The following PPP1R9A variants were observed in gnomAD, a reference collection of about 807,000 sequenced individuals.
PPP1R9A encodes the protein neurabin-1.
A neutral mutation model predicts 141.9 loss-of-function variants in PPP1R9A; 59 were observed. That is an observed-to-expected ratio of 0.42 (90% CI 0.34 to 0.52). The LOEUF (loss-of-function observed/expected upper bound fraction) is 0.52, where lower values mean the gene tolerates loss of function less well. Ranked by LOEUF, PPP1R9A falls within the 20% of genes least tolerant of loss-of-function variation. The probability of loss-of-function intolerance (pLI) is 0.10; values close to 1 mark genes in which losing one functional copy is unlikely to be tolerated. For synonymous variants in PPP1R9A, 500 were observed against 569.7 expected, an observed-to-expected ratio of 0.88 and a Z score of 1.74; for missense variants, 1,444 against 1,611.9, an observed-to-expected ratio of 0.90 and a Z score of 1.78.
chr7:95,022,277 A>G (rs954249082), intron 2 of PPP1R9A, among the ~76,000 whole-genome samples: 3 of 151,958 alleles, frequency 2.0e-5, no homozygotes, highest in African/African-American at 7.2e-5. Context: ...CTGTTTGTCT[A>G]TTATTGATGT....
chr7:95,116,752 T>C (rs573771955), intron 3 of PPP1R9A, among the ~76,000 whole-genome samples: 33 of 152,294 alleles, frequency 2.2e-4, no homozygotes, highest in African/African-American at 7.5e-4. Flanking sequence ...GACTTAATTT[T>C]CCAAATATCT....
Position 94,979,908 on chromosome 7 carries a change from T to A in PPP1R9A, c.1395+68400T>A, listed in dbSNP as rs536687286. 6.5e-4 allele frequency among the ~76,000 whole-genome samples: 99 copies of A among 151,890 alleles called. 1 individual carries two copies. The South Asian group carries it at 0.012, about 18-fold the overall frequency. ...CTTTGGTTGACAATGTTAAAGGTATTTTTTTTTGGTTTTGGGGTACCTTTT... is the reference window on the plus strand; with the variant it reads ...CTTTGGTTGACAATGTTAAAGGTATATTTTTTTGGTTTTGGGGTACCTTTT... On this transcript the variant is annotated intron_variant, in intron 2 of 19. Transcript: ENST00000433360.
chr7:95,145,534 A>G (rs1221770574), intron 4 of PPP1R9A, among the ~76,000 whole-genome samples: 2 of 152,228 alleles, frequency 1.3e-5, no homozygotes, highest in African/African-American at 2.4e-5. Context: ...ATATTAGTCA[A>G]TATTTGTTAC....
intron 7 of PPP1R9A, among the ~76,000 whole-genome samples, chr7:95,205,362 A>G (rs965177432): frequency 2.6e-5 from 4 of 152,262 alleles, no homozygotes; most frequent in African/African-American, 9.6e-5. Flanking sequence ...TTTCTCTGAA[A>G]GTGTAGACTT....
intron 2 of PPP1R9A, among the ~76,000 whole-genome samples, chr7:95,041,705 T>C (rs1415811106): frequency 1.3e-5 from 2 of 152,114 alleles, no homozygotes; most frequent in African/African-American, 4.8e-5. Flanking sequence ...ATTGAATATT[T>C]ATTGACATGT....
At chr7:95,001,026 G>T (rs1302850907) in intron 2 of PPP1R9A, among the ~76,000 whole-genome samples, 2 of 152,088 alleles carry the variant, frequency 1.3e-5, no homozygotes, top group Admixed American at 6.6e-5. Context: ...TTAATAATTT[G>T]TTTGTCATAT....
At chr7:95,065,604 C>T (rs1812832565) in intron 2 of PPP1R9A, among the ~76,000 whole-genome samples, 1 of 152,094 alleles carries the variant, frequency 6.6e-6, no homozygotes, top group Non-Finnish European at 1.5e-5. Context: ...CTGGAGTCAT[C>T]ACTGGATTAA....
intron 12 of PPP1R9A, among the ~76,000 whole-genome samples, chr7:95,253,838 T>TA (rs1300835923): frequency 6.6e-6 from 1 of 151,966 alleles, no homozygotes. Context: ...TTTTAATTTT[T>TA]AAAAAATTAT....
intron 4 of PPP1R9A, among the ~76,000 whole-genome samples, chr7:95,130,448 G>A (rs930153942): frequency 6.6e-6 from 1 of 152,170 alleles, no homozygotes; most frequent in Non-Finnish European, 1.5e-5. Context: ...TGCAGGGGTG[G>A]GGCTCTCATG....
At chr7:95,077,278 A>C (rs1814999413) in intron 2 of PPP1R9A, among the ~76,000 whole-genome samples, 1 of 151,880 alleles carries the variant, frequency 6.6e-6, no homozygotes, top group Non-Finnish European at 1.5e-5. Context: ...TGTTACTTTC[A>C]CTTAAGTAGT....
rs114568775 is a variant in PPP1R9A, at chr7:95,203,532, C to T, written c.1891-133C>T. The T allele has an allele frequency of 3.0e-3, 1,648 of 546,976 alleles. 18 individuals carry two copies. Among genetic ancestry groups the T allele is most frequent in the African/African-American group, 0.029 (1,493 of 51,780 alleles). 33.9% of individuals were successfully genotyped at this position (546,976 alleles called of 1,614,324 possible). On this transcript the variant is annotated intron_variant, in intron 6 of 19. Transcript: ENST00000433360. ...GTGTGGGCATTTTTTACCAACATGCCGCAATATTGTCTTAGTACTTAACAG... is the reference window on the plus strand; with the variant it reads ...GTGTGGGCATTTTTTACCAACATGCTGCAATATTGTCTTAGTACTTAACAG...
chr7:95,186,745 A>C (rs1315325296), intron 5 of PPP1R9A, among the ~76,000 whole-genome samples: 3 of 151,972 alleles, frequency 2.0e-5, no homozygotes, highest in African/African-American at 7.2e-5. Context: ...GGATTTTGTC[A>C]GTGCTTTTCC....
rs1024810034 is a variant in PPP1R9A, at chr7:95,274,255, G to A, written c.3296+87G>A. The stretch of plus-strand genomic sequence containing the variant: ...TATTGTTAACCAAAATCAGTGGTCA[G>A]TATCTTTGAGCTAAAGTGATATGCC... On this transcript the variant is annotated intron_variant, in intron 16 of 19. Coordinates refer to ENST00000433360, the MANE Select transcript of PPP1R9A (RefSeq NM_001166160.2). The A allele has an allele frequency of 3.1e-5, 38 of 1,215,396 alleles. No homozygotes were observed. In the African/African-American group the frequency reaches 4.9e-4, roughly 16 times the overall value. 75.3% of individuals were successfully genotyped at this position (1,215,396 alleles called of 1,614,324 possible).
At chr7:95,191,521 A>C (rs2152832903) in intron 5 of PPP1R9A, among the ~76,000 whole-genome samples, 1 of 152,222 alleles carries the variant, frequency 6.6e-6, no homozygotes, top group East Asian at 1.9e-4. Context: ...ATTATTGTTA[A>C]CTAGAGTCAT....
chr7:95,133,513 TTATATA>T (rs10570222), intron 4 of PPP1R9A, among the ~76,000 whole-genome samples: 1,878 of 132,652 alleles, frequency 0.014, 33 homozygotes, highest in African/African-American at 0.043. Flanking sequence ...TGCAGTCGTA[TTATATA>T]TATATATATA....
Position 94,931,298 on chromosome 7 carries a change from C to T in PPP1R9A, c.1395+19790C>T, listed in dbSNP as rs184284967. ...TCTGGTAACTCCTAAGTTACAGGAA[C>T]GCTATTGACCCAATTGACCCAGTTG... On this transcript the variant is annotated intron_variant, in intron 2 of 19. Transcript: ENST00000433360. Among the ~76,000 whole-genome samples, 7 of 152,254 alleles carry T rather than the reference C, an allele frequency of 4.6e-5. No homozygotes were observed. The East Asian group carries it at 1.2e-3, about 25-fold the overall frequency.
intron 8 of PPP1R9A, among the ~76,000 whole-genome samples, chr7:95,226,865 A>G (rs1194335754): frequency 6.6e-6 from 1 of 152,184 alleles, no homozygotes; most frequent in Non-Finnish European, 1.5e-5. Flanking sequence ...ACTCTTCCAA[A>G]GTAGCTTCTC....
At chr7:95,165,338 T>C (rs1483870845) in intron 5 of PPP1R9A, among the ~76,000 whole-genome samples, 1 of 152,216 alleles carries the variant, frequency 6.6e-6, no homozygotes, top group Non-Finnish European at 1.5e-5. Context: ...TTTAGGGAAA[T>C]GTAGCTGCCA....
chr7:95,154,057 C>A (rs1829173829), intron 4 of PPP1R9A, among the ~76,000 whole-genome samples: 1 of 151,534 alleles, frequency 6.6e-6, no homozygotes, highest in South Asian at 2.1e-4. Context: ...TTTTTAGTGT[C>A]CATTTTGTTT....
Sources: gnomAD v4.1 joint callset for allele counts (sites outside exome capture counted in the v4.1 genomes callset) on GRCh38, gnomAD v4.1.1 for gene constraint, MANE v1.5 for transcripts, NCBI Gene and HGNC (gene_info 2026-07-23, HGNC 2026-07-21) for gene names.